KCNIP4: variants seen among roughly 807,000 people sequenced by gnomAD.
KCNIP4 encodes the protein potassium voltage-gated channel interacting protein 4.
In KCNIP4, 12 loss-of-function variants were observed where a neutral mutation model predicts 34.0. That is an observed-to-expected ratio of 0.35 (90% CI 0.23 to 0.57). The LOEUF (loss-of-function observed/expected upper bound fraction) is 0.57, where lower values mean the gene tolerates loss of function less well. KCNIP4 is among the 20% of genes least tolerant of loss of function. The pLI is 0.83. For synonymous variants in KCNIP4, 124 were observed against 102.2 expected (o/e 1.21, Z -1.29); for missense variants, 238 against 311.7 (o/e 0.76, Z 1.78).
chr4:21,745,464 T>C (rs1279034307), intron 1 of KCNIP4, among the ~76,000 whole-genome samples: 3 of 152,166 alleles, frequency 2.0e-5, no homozygotes, highest in Non-Finnish European at 4.4e-5. Context: ...GTAATAGCCA[T>C]AGAAAATATC....
chr4:21,847,847 T>G (rs1724125252), intron 1 of KCNIP4: 1 of 152,124 alleles, frequency 6.6e-6, no homozygotes, highest in Non-Finnish European at 1.5e-5. Context: ...CCTGTCTCAT[T>G]TCCTTCTTTG....
chr4:21,379,071 T>A (rs1721236491), intron 1 of KCNIP4, among the ~76,000 whole-genome samples: 1 of 152,180 alleles, frequency 6.6e-6, no homozygotes, highest in South Asian at 2.1e-4. Flanking sequence ...TACTGTGAGA[T>A]TTTTTTCTTA....
At chr4:20,784,487 A>G (rs1711658168) in intron 3 of KCNIP4, among the ~76,000 whole-genome samples, 1 of 152,216 alleles carries the variant, frequency 6.6e-6, no homozygotes. Flanking sequence ...GGACTAGCAC[A>G]GTAGCCAAAT....
At chr4:21,445,424 AGATATAGAC>A (rs1178821229) in intron 1 of KCNIP4, among the ~76,000 whole-genome samples, 3 of 152,206 alleles carry the variant, frequency 2.0e-5, no homozygotes, top group Non-Finnish European at 4.4e-5. Flanking sequence ...ACCAAAACAG[AGATATAGAC>A]CAACGGAACA....
At chr4:21,641,975 A>G (rs966132275) in intron 1 of KCNIP4, among the ~76,000 whole-genome samples, 51 of 152,116 alleles carry the variant, frequency 3.4e-4, no homozygotes, top group African/African-American at 1.2e-3. Context: ...TGCTTCCATC[A>G]TGGAAGGGGG....
chr4:21,242,778 T>C (rs557891560), intron 1 of KCNIP4, among the ~76,000 whole-genome samples: 53 of 152,236 alleles, frequency 3.5e-4, no homozygotes, highest in African/African-American at 1.3e-3. Flanking sequence ...TTCCTAGGAC[T>C]CCAGCTTGCA....
At chr4:20,762,786 TTG>T (rs1490942590) in intron 3 of KCNIP4, among the ~76,000 whole-genome samples, 27 of 152,274 alleles carry the variant, frequency 1.8e-4, no homozygotes, top group Non-Finnish European at 1.2e-4. Context: ...CACTCAGCAG[TTG>T]TGTTAGTTCA....
chr4:20,772,047 T>C (rs1755935971), intron 3 of KCNIP4, among the ~76,000 whole-genome samples: 1 of 152,184 alleles, frequency 6.6e-6, no homozygotes, highest in Admixed American at 6.5e-5. Flanking sequence ...ATGTTCTCAT[T>C]AAATCCCTGA....
At chr4:21,546,628 A>G (rs561955043) in intron 1 of KCNIP4, among the ~76,000 whole-genome samples, 2 of 152,290 alleles carry the variant, frequency 1.3e-5, no homozygotes, top group South Asian at 4.1e-4. Context: ...TTTCATAATT[A>G]TACTCATACT....
At chr4:21,420,709 A>G (rs560719295) in intron 1 of KCNIP4, among the ~76,000 whole-genome samples, 1 of 152,342 alleles carries the variant, frequency 6.6e-6, no homozygotes, top group South Asian at 2.1e-4. Flanking sequence ...AAACATAGGT[A>G]AAAGCTTCTC....
intron 1 of KCNIP4, among the ~76,000 whole-genome samples, chr4:21,280,170 T>C (rs1762690718): frequency 6.6e-6 from 1 of 152,174 alleles, no homozygotes; most frequent in African/African-American, 2.4e-5. Flanking sequence ...AAAATCAAGA[T>C]GCACTGAACT....
At chr4:21,051,763 G>A (rs887138551) in intron 1 of KCNIP4, among the ~76,000 whole-genome samples, 1 of 152,266 alleles carries the variant, frequency 6.6e-6, no homozygotes, top group Admixed American at 6.5e-5. Flanking sequence ...ATACTTGGAA[G>A]AGGCAAGCTG....
At chr4:21,913,788 G>T (rs1210437198) in intron 1 of KCNIP4, among the ~76,000 whole-genome samples, 1 of 152,176 alleles carries the variant, frequency 6.6e-6, no homozygotes, top group Non-Finnish European at 1.5e-5. Flanking sequence ...GCATTTGGGA[G>T]TGTTGATGGG....
At chr4:21,867,337 A>G (rs2063657) in intron 1 of KCNIP4, among the ~76,000 whole-genome samples, 48,312 of 152,078 alleles carry the variant, frequency 0.32, 9,644 homozygotes, top group Non-Finnish European at 0.46. Flanking sequence ...AAAAAAATTT[A>G]CCAGAGGGGG....
intron 1 of KCNIP4, among the ~76,000 whole-genome samples, chr4:21,226,279 C>CAG (rs137923504): frequency 1.7e-5 from 1 of 59,502 alleles, no homozygotes; most frequent in Admixed American, 2.2e-4. Context: ...GGGCGGGAGA[C>CAG]AGAGAGAGAG....
At chr4:20,918,252 C>A (rs1228783260) in intron 1 of KCNIP4, among the ~76,000 whole-genome samples, 1 of 152,074 alleles carries the variant, frequency 6.6e-6, no homozygotes, top group Non-Finnish European at 1.5e-5. Flanking sequence ...TAGGGCCTCA[C>A]AACCTCTCCA....
intron 1 of KCNIP4, among the ~76,000 whole-genome samples, chr4:21,344,758 T>C (rs980094213): frequency 5.3e-5 from 8 of 152,114 alleles, no homozygotes; most frequent in Non-Finnish European, 1.0e-4. Context: ...AAAGTAACAA[T>C]ATTGATTACT....
intron 5 of KCNIP4, among the ~76,000 whole-genome samples, chr4:20,739,513 G>C (rs905395769): frequency 6.6e-6 from 1 of 152,176 alleles, no homozygotes; most frequent in African/African-American, 2.4e-5. Flanking sequence ...CTGACTGTTA[G>C]AAGGAAAACT....
chr4:21,278,849 T>C (rs535092744), intron 1 of KCNIP4, among the ~76,000 whole-genome samples: 1 of 152,196 alleles, frequency 6.6e-6, no homozygotes, highest in Non-Finnish European at 1.5e-5. Flanking sequence ...AAAGATGCCA[T>C]TTTTACTCTA....
Sources: gnomAD v4.1 joint callset for allele counts (sites outside exome capture counted in the v4.1 genomes callset) on GRCh38, gnomAD v4.1.1 for gene constraint, MANE v1.5 for transcripts, NCBI Gene and HGNC (gene_info 2026-07-23, HGNC 2026-07-21) for gene names.